The following SLC39A11 variants were observed in gnomAD, a reference collection of about 807,000 sequenced individuals.
SLC39A11 encodes solute carrier family 39 member 11.
Under a neutral mutation model 36.1 loss-of-function variants are expected in SLC39A11, and 33 were observed. That is an observed-to-expected ratio of 0.91 (90% CI 0.69 to 1.22). The LOEUF (loss-of-function observed/expected upper bound fraction) is 1.22, where lower values mean the gene tolerates loss of function less well. SLC39A11 is among the 50% of genes most tolerant of loss of function. The probability of loss-of-function intolerance (pLI) is 0.00; values close to 1 mark genes in which losing one functional copy is unlikely to be tolerated. For missense variants in SLC39A11, 432 were observed against 430.3 expected (o/e 1.00, Z -0.03); for synonymous variants, 166 against 170.3 (o/e 0.97, Z 0.20).
intron 4 of SLC39A11, among the ~76,000 whole-genome samples, chr17:73,024,039 A>C (rs1487699543): frequency 6.6e-6 from 1 of 152,234 alleles, no homozygotes; most frequent in Non-Finnish European, 1.5e-5. Flanking sequence ...TGTTTAAGCC[A>C]ACCCTGTATG....
rs7216629 is a variant in SLC39A11 at position 73,068,295 on chromosome 17, T to C, written c.147+16513A>G. ...GACTGCGGCTCCTCCACCATCTTGC[T>C]TGGAGAGACTCCGGGGTCTTTCTTG... On this transcript the variant is annotated intron_variant, in intron 3 of 9. Transcript: ENST00000255559. 750 of 653,164 alleles carry C rather than the reference T, an allele frequency of 1.1e-3. 7 individuals carry two copies. The African/African-American group carries it at 0.012, about 11-fold the overall frequency. 40.5% of individuals were successfully genotyped at this position (653,164 alleles called of 1,614,324 possible).
intron 5 of SLC39A11, among the ~76,000 whole-genome samples, chr17:72,919,837 G>C (rs998922301): frequency 2.6e-5 from 4 of 152,134 alleles, no homozygotes; most frequent in Non-Finnish European, 4.4e-5. Context: ...CCAGTGCCCT[G>C]CTAGGACCAC....
chr17:72,715,213 C>T (rs1169962203), intron 7 of SLC39A11, among the ~76,000 whole-genome samples: 1 of 152,220 alleles, frequency 6.6e-6, no homozygotes, highest in African/African-American at 2.4e-5. Context: ...CACGATGTTA[C>T]AAGGCAGATA....
chr17:73,078,963 A>T (rs1353164308), intron 3 of SLC39A11, among the ~76,000 whole-genome samples: 1 of 152,154 alleles, frequency 6.6e-6, no homozygotes, highest in Admixed American at 6.6e-5. Context: ...ACACAAATGC[A>T]CCATAAGCAA....
intron 7 of SLC39A11, among the ~76,000 whole-genome samples, chr17:72,720,253 TGAC>T (rs2143562215): frequency 6.6e-6 from 1 of 152,234 alleles, no homozygotes; most frequent in East Asian, 1.9e-4. Flanking sequence ...TGTGATAAGA[TGAC>T]GAAGTCAGCC....
intron 6 of SLC39A11, among the ~76,000 whole-genome samples, chr17:72,845,051 C>T (rs1014189956): frequency 6.6e-6 from 1 of 152,212 alleles, no homozygotes; most frequent in African/African-American, 2.4e-5. Context: ...TCCAGCACGA[C>T]CACCTTGGTC....
intron 6 of SLC39A11, among the ~76,000 whole-genome samples, chr17:72,772,305 G>A (rs2144720667): frequency 6.6e-6 from 1 of 152,318 alleles, no homozygotes; most frequent in Non-Finnish European, 1.5e-5. Flanking sequence ...CAAGGCCTTT[G>A]AGACTGTCCA....
At chr17:72,965,709 AG>A (rs1418470173) in intron 4 of SLC39A11, among the ~76,000 whole-genome samples, 1 of 152,210 alleles carries the variant, frequency 6.6e-6, no homozygotes, top group Non-Finnish European at 1.5e-5. Context: ...TATCTCCAAA[AG>A]GAAGGAGGTG....
chr17:72,813,481 A>G (rs922658368), intron 6 of SLC39A11, among the ~76,000 whole-genome samples: 2 of 152,238 alleles, frequency 1.3e-5, no homozygotes, highest in African/African-American at 2.4e-5. Flanking sequence ...GTAAAATACC[A>G]TGGTTCTTTA....
chr17:72,733,779 C>T (rs1285603113), intron 7 of SLC39A11, among the ~76,000 whole-genome samples: 3 of 152,164 alleles, frequency 2.0e-5, no homozygotes, highest in Admixed American at 6.5e-5. Flanking sequence ...TGCAATTGAT[C>T]AAGCCAAAGT....
chr17:72,981,625 G>A (rs542049216), intron 4 of SLC39A11, among the ~76,000 whole-genome samples: 3 of 139,892 alleles, frequency 2.1e-5, no homozygotes, highest in Non-Finnish European at 1.5e-5. Context: ...CCAAGTTGTA[G>A]AAAAAAAATA....
chr17:73,050,578 C>T (rs568524367), intron 3 of SLC39A11, among the ~76,000 whole-genome samples: 3 of 151,818 alleles, frequency 2.0e-5, no homozygotes, highest in Non-Finnish European at 2.9e-5. Context: ...GTTCTCATGC[C>T]TCAGCCTCCC....
At chr17:72,857,569 T>C (rs1260411126) in intron 5 of SLC39A11, among the ~76,000 whole-genome samples, 11 of 152,202 alleles carry the variant, frequency 7.2e-5, no homozygotes, top group Admixed American at 7.2e-4. Flanking sequence ...AGTGCTTTAG[T>C]TCAACAACGG....
At position 72,869,632 on chromosome 17, in the gene SLC39A11, G is replaced by A. The variant is rs181582952; in HGVS notation, c.431-19828C>T. 2.4e-4 allele frequency among the ~76,000 whole-genome samples: 36 copies of A among 151,558 alleles called. No homozygotes were observed. In the East Asian group the frequency reaches 2.7e-3, roughly 11 times the overall value. The stretch of plus-strand genomic sequence containing the variant: ...TGACCTCAGGTGATCCACCCACCTC[G>A]GCCTCCTCGGCCTCCCAAAGTGCTG... On this transcript the variant is annotated intron_variant, in intron 5 of 9. Transcript: ENST00000255559.
At chr17:73,043,062 T>G (rs1294026065) in intron 3 of SLC39A11, among the ~76,000 whole-genome samples, 1 of 151,938 alleles carries the variant, frequency 6.6e-6, no homozygotes, top group Non-Finnish European at 1.5e-5. Flanking sequence ...AGAAGACATA[T>G]GATAGGATAA....
chr17:72,953,056 CCTT>C (rs1396442051), intron 4 of SLC39A11, among the ~76,000 whole-genome samples: 2 of 152,182 alleles, frequency 1.3e-5, no homozygotes, highest in Non-Finnish European at 2.9e-5. Flanking sequence ...CTTTCCCTGT[CCTT>C]CTTCCCGCAT....
At chr17:72,972,490 G>A (rs1271447167) in intron 4 of SLC39A11, among the ~76,000 whole-genome samples, 2 of 152,182 alleles carry the variant, frequency 1.3e-5, no homozygotes, top group Non-Finnish European at 2.9e-5. Context: ...GTCTGCTTAT[G>A]AGGCATGAGG....
chr17:73,012,557 C>A (rs1317798334), intron 4 of SLC39A11, among the ~76,000 whole-genome samples: 1 of 150,322 alleles, frequency 6.7e-6, no homozygotes, highest in African/African-American at 2.4e-5. Context: ...TAACTTTTAT[C>A]TTAGAATCAG....
chr17:72,981,840 G>A (rs373170423), intron 4 of SLC39A11, among the ~76,000 whole-genome samples: 14 of 135,340 alleles, frequency 1.0e-4, no homozygotes, highest in African/African-American at 3.6e-4. Context: ...TAATGAGTTA[G>A]GAAAGACCAA....
Sources: gnomAD v4.1 joint callset for allele counts (sites outside exome capture counted in the v4.1 genomes callset) on GRCh38, gnomAD v4.1.1 for gene constraint, MANE v1.5 for transcripts, NCBI Gene and HGNC (gene_info 2026-07-23, HGNC 2026-07-21) for gene names.